Variants in RIN2 observed in about 807,000 individuals in gnomAD.
RIN2 encodes the protein RAB5 interacting protein 2.
Under a neutral mutation model 78.0 loss-of-function variants are expected in RIN2, and 36 were observed. The observed-to-expected ratio is 0.46, with a 90% CI of 0.35 to 0.61. RIN2 has a LOEUF of 0.61. Ranked by LOEUF, RIN2 falls within the 20% of genes least tolerant of loss-of-function variation. The pLI is 0.00. For synonymous variants in RIN2, 466 were observed against 466.8 expected, an observed-to-expected ratio of 1.00 and a Z score of 0.02; for missense variants, 1,087 against 1,159.7, an observed-to-expected ratio of 0.94 and a Z score of 0.91.
chr20:19,968,091 A>C (rs7270484), intron 7 of RIN2, among the ~76,000 whole-genome samples: 7,861 of 152,162 alleles, frequency 0.052, 658 homozygotes, highest in African/African-American at 0.18. Context: ...TTTGACCCTC[A>C]CTTCACCTCC....
At chr20:19,795,035 C>A (rs1402749243) in intron 1 of RIN2, among the ~76,000 whole-genome samples, 2 of 152,268 alleles carry the variant, frequency 1.3e-5, no homozygotes, top group African/African-American at 4.8e-5. Flanking sequence ...AGGAACACAA[C>A]CCTGTTAAAG....
intron 2 of RIN2, chr20:19,886,431 C>G: frequency 2.4e-6 from 1 of 409,584 alleles, no homozygotes; most frequent in Non-Finnish European, 4.3e-6. Context: ...TATAAAGTGA[C>G]AGAGGCTGGT....
chr20:19,947,022 T>TAAAAA (rs35136029), intron 4 of RIN2, among the ~76,000 whole-genome samples: 3 of 116,164 alleles, frequency 2.6e-5, no homozygotes, highest in African/African-American at 3.2e-5. Flanking sequence ...CAGACTGTCT[T>TAAAAA]AAAAAAAAAA....
chr20:19,990,832 ACT>A (rs1445927859), intron 10 of RIN2, among the ~76,000 whole-genome samples: 2 of 151,880 alleles, frequency 1.3e-5, no homozygotes, highest in Non-Finnish European at 2.9e-5. Context: ...TGTGAAAGAA[ACT>A]CTGAACATTC....
At chr20:19,946,687 C>G (rs2041104451) in intron 4 of RIN2, among the ~76,000 whole-genome samples, 1 of 134,096 alleles carries the variant, frequency 7.5e-6, no homozygotes, top group South Asian at 2.4e-4. Context: ...CACTCCAGCC[C>G]TGGGTGACAG....
At chr20:19,956,923 C>T in intron 5 of RIN2, 116 bp downstream of exon 5, 1 of 840,886 alleles carries the variant, frequency 1.2e-6, no homozygotes, top group East Asian at 2.7e-5. Flanking sequence ...GAGCATGTCT[C>T]TTGATGTGTA....
chr20:19,996,860 C>A lies in RIN2; in HGVS notation c.2364+18C>A. Reference sequence around the variant, plus strand: ...ACTTCCAGGTGTGCAGCTGGCCACCCCTTTGCTTCCTTCGTCCTCCAGGAA... The same window carrying A: ...ACTTCCAGGTGTGCAGCTGGCCACCACTTTGCTTCCTTCGTCCTCCAGGAA... On this transcript the variant is annotated intron_variant, in intron 12 of 12. Coordinates refer to ENST00000255006, the MANE Select transcript of RIN2 (RefSeq NM_018993.4). 6.4e-7 allele frequency: 1 copy of A among 1,556,474 alleles called. No individual in the cohort carries two copies. The highest frequency in any genetic ancestry group is 1.4e-5 in the African/African-American group (1 of 73,656).
chr20:19,874,770 T>C (rs545852613), intron 2 of RIN2, among the ~76,000 whole-genome samples: 2 of 152,214 alleles, frequency 1.3e-5, no homozygotes, highest in South Asian at 2.1e-4. Flanking sequence ...GCAACTGAGA[T>C]TGAATAGTTG....
At position 19,975,443 on chromosome 20, in the gene RIN2, T is replaced by G; in HGVS notation, c.1418T>G (p.Met473Arg). ...GAGGGGGAAAGTGACCAAGAGACCA[T>G]GGCGCCCCCCATCAAGTCCAAAAAG... ...DYEGESDQET[M>R]APPIKSKKKR... Residue 473 changes from methionine (M) to arginine (R), a missense_variant, in exon 9 of 13, where the codon ATG becomes AGG. Met to Arg is a moderately conservative substitution (Grantham distance 91, BLOSUM62 -1). Around this residue, in one of 8 missense-constraint regions of RIN2, gnomAD observed 706 missense variants for 667.5 expected, o/e 1.06. Transcript: ENST00000255006. This position sits in a 1 kb window ranked among gnomAD's most constrained non-coding sequence, Gnocchi z 4.9. The G allele has an allele frequency of 6.2e-7, 1 of 1,614,018 alleles. No individual in the cohort carries two copies. Among genetic ancestry groups the G allele is most frequent in the South Asian group, 1.1e-5 (1 of 91,088 alleles).
intron 2 of RIN2, among the ~76,000 whole-genome samples, chr20:19,837,948 A>G (rs1258711642): frequency 6.6e-6 from 1 of 152,190 alleles, no homozygotes; most frequent in Admixed American, 6.5e-5. Context: ...TGACTTAACT[A>G]TAATATATCT....
chr20:19,890,789 G>A lies in RIN2; in HGVS notation c.57+1131G>A, dbSNP rs529323256. ...ATCACCAGGACACAGTCTTATTCAT[G>A]TCTAAGCCAGGGGAGATTAAGAGGC... is the stretch of plus-strand genomic sequence containing the variant. On this transcript the variant is annotated intron_variant, in intron 3 of 12. Transcript: ENST00000255006. Among the ~76,000 whole-genome samples, 17 of 150,336 alleles carry A rather than the reference G, an allele frequency of 1.1e-4. No individual in the cohort carries two copies. In the East Asian group the frequency reaches 3.4e-3, roughly 30 times the overall value.
chr20:19,839,771 T>A (rs1018196418), intron 2 of RIN2, among the ~76,000 whole-genome samples: 1 of 152,148 alleles, frequency 6.6e-6, no homozygotes, highest in Non-Finnish European at 1.5e-5. Context: ...CCACTCACCC[T>A]CTGAATGAAT....
chr20:19,912,475 C>CTTTTTTTT (rs545323465), intron 3 of RIN2, among the ~76,000 whole-genome samples: 120 of 110,904 alleles, frequency 1.1e-3, no homozygotes, highest in East Asian at 4.0e-3. Context: ...TTTTCTTTTT[C>CTTTTTTTT]TTTTTTTTTT....
intron 2 of RIN2, among the ~76,000 whole-genome samples, chr20:19,851,378 G>A (rs905449424): frequency 2.6e-5 from 4 of 152,072 alleles, no homozygotes; most frequent in Non-Finnish European, 5.9e-5. Context: ...AGGAGATTGG[G>A]AAAAGTTTCC....
intron 4 of RIN2, among the ~76,000 whole-genome samples, chr20:19,942,579 ATTGT>A (rs1027105110): frequency 1.3e-5 from 2 of 152,056 alleles, no homozygotes; most frequent in African/African-American, 4.8e-5. Flanking sequence ...ATCATTTTTG[ATTGT>A]TTGTTGGGTT....
At chr20:19,783,163 C>T (rs1231431898) in intron 1 of RIN2, among the ~76,000 whole-genome samples, 1 of 152,190 alleles carries the variant, frequency 6.6e-6, no homozygotes, top group Non-Finnish European at 1.5e-5. Context: ...CATAACACAA[C>T]AAATATTTGT....
chr20:19,907,127 A>G (rs1011232927), intron 3 of RIN2, among the ~76,000 whole-genome samples: 1 of 152,098 alleles, frequency 6.6e-6, no homozygotes, highest in Non-Finnish European at 1.5e-5. Flanking sequence ...GGAGAGAGAG[A>G]GGAAGGGCAG....
chr20:19,904,241 ATATATATATATATATATAT>A (rs2039120333), intron 3 of RIN2, among the ~76,000 whole-genome samples: 1 of 119,678 alleles, frequency 8.4e-6, no homozygotes, highest in African/African-American at 2.9e-5. Context: ...CAAAAAAAAA[ATATATATATATATATATAT>A]AAAATATATA....
chr20:19,975,564 G>C lies in RIN2; in HGVS notation c.1539G>C (p.Arg513=). The change falls in exon 9 of 13, where the codon CGG becomes CGC. Residue 513 remains arginine (R), a synonymous_variant. Transcript: ENST00000255006. The surrounding 1 kb of genome is among the most constrained non-coding windows in gnomAD (Gnocchi z 4.9). ...VFSSFMTPEK[R]MVRRIAELSR... is the part of the protein sequence containing the mutation. ...GCTCCTTCATGACCCCGGAGAAGCG[G>C]ATGGTCCGCAGGATCGCCGAGCTTT... is the stretch of plus-strand genomic sequence containing the variant. 6.2e-7 allele frequency: 1 copy of C among 1,614,030 alleles called. No individual in the cohort carries two copies. Among genetic ancestry groups the C allele is most frequent in the South Asian group, 1.1e-5 (1 of 91,082 alleles).
Sources: allele counts gnomAD v4.1 joint callset (sites outside exome capture counted in the v4.1 genomes callset), GRCh38; gene constraint gnomAD v4.1.1; regional missense constraint gnomAD v4.1.1; non-coding constraint Gnocchi (gnomAD v3.1); transcripts MANE v1.5; gene names NCBI Gene and HGNC (gene_info 2026-07-23, HGNC 2026-07-21).